The following MARCHF1 variants were observed in gnomAD, a reference collection of about 807,000 sequenced individuals.
MARCHF1 encodes the protein membrane associated ring-CH-type finger 1, also known as E3 ubiquitin-protein ligase MARCHF1.
A neutral mutation model predicts 54.2 loss-of-function variants in MARCHF1; 40 were observed. The ratio of observed to expected loss-of-function variants is 0.74; its 90% CI spans 0.57 to 0.96. The LOEUF (loss-of-function observed/expected upper bound fraction) is 0.96. Ranked by LOEUF, MARCHF1 falls within the 40% of genes least tolerant of loss-of-function variation. MARCHF1 has a pLI of 0.00. For synonymous variants in MARCHF1, 236 were observed against 236.3 expected (o/e 1.00, Z 0.01); for missense variants, 586 against 656.5 (o/e 0.89, Z 1.17).
At chr4:164,017,905 A>G (rs1753578969) in intron 2 of MARCHF1, among the ~76,000 whole-genome samples, 1 of 151,686 alleles carries the variant, frequency 6.6e-6, no homozygotes, top group Non-Finnish European at 1.5e-5. Flanking sequence ...AAGATTTTAT[A>G]AAAAGCCACA....
At chr4:164,230,991 C>A (rs1230434255) in intron 1 of MARCHF1, among the ~76,000 whole-genome samples, 1 of 152,054 alleles carries the variant, frequency 6.6e-6, no homozygotes, top group Non-Finnish European at 1.5e-5. Flanking sequence ...AAAAATAGAA[C>A]ACAAATGCTC....
intron 3 of MARCHF1, among the ~76,000 whole-genome samples, chr4:163,885,793 C>T (rs917596316): frequency 1.3e-5 from 2 of 151,606 alleles, no homozygotes; most frequent in African/African-American, 4.8e-5. Context: ...TGGGGGGGTG[C>T]AGGTGCACTG....
chr4:164,104,858 T>C (rs1755655797), intron 2 of MARCHF1, among the ~76,000 whole-genome samples: 1 of 64,132 alleles, frequency 1.6e-5, no homozygotes, highest in Non-Finnish European at 5.0e-5. Flanking sequence ...ATTGTATATC[T>C]AGAAAACCCC....
intron 1 of MARCHF1, among the ~76,000 whole-genome samples, chr4:164,273,595 G>A (rs1733797251): frequency 6.6e-6 from 1 of 152,192 alleles, no homozygotes; most frequent in Non-Finnish European, 1.5e-5. Context: ...CAGTTGTTTA[G>A]TTACAAGATA....
chr4:164,212,025 G>A (rs1231453617), intron 1 of MARCHF1, among the ~76,000 whole-genome samples: 2 of 152,076 alleles, frequency 1.3e-5, no homozygotes, highest in South Asian at 2.1e-4. Context: ...GGGTCATGTA[G>A]CATATTACTT....
rs189732098 is a variant in MARCHF1, at chr4:163,613,630, G to A, written c.163-237C>T. On this transcript the variant is annotated intron_variant, in intron 5 of 9. Transcript: ENST00000514618. ...TTTTGCTGTTACTTCATTTACGAGA[G>A]AGGAAGATGATTCCACAAGTTTCTA... The A allele has an allele frequency of 4.9e-6, 7 of 1,420,110 alleles. No homozygotes were observed. In the African/African-American group the frequency reaches 8.7e-5, roughly 18 times the overall value. 88.0% of individuals were successfully genotyped at this position (1,420,110 alleles called of 1,614,324 possible). A position where few individuals can be genotyped will look rare whatever the true frequency, so the allele number is the denominator to read the frequency against.
At chr4:164,347,057 C>A (rs527251685) in intron 1 of MARCHF1, among the ~76,000 whole-genome samples, 58 of 152,154 alleles carry the variant, frequency 3.8e-4, no homozygotes, top group African/African-American at 1.3e-3. Flanking sequence ...GCTGGGAAGA[C>A]ATGGACCCTT....
chr4:164,081,227 A>AC lies in MARCHF1; in HGVS notation c.-248+30360_-248+30361insG, dbSNP rs1755093766. Among the ~76,000 whole-genome samples, 4 of 146,926 alleles carry AC rather than the reference A, an allele frequency of 2.7e-5. 1 individual carries two copies. The highest frequency in any genetic ancestry group is 9.9e-5 in the African/African-American group (4 of 40,414). On this transcript the variant is annotated intron_variant, in intron 2 of 9. Transcript: ENST00000514618. The stretch of plus-strand genomic sequence containing the variant: ...TGTCTCAAAAAAAAAAAAAAAAAAA[A>AC]AAAAAAAAAAGAAATATTATTTGCA...
At chr4:164,041,114 C>T (rs950047339) in intron 2 of MARCHF1, among the ~76,000 whole-genome samples, 1 of 152,060 alleles carries the variant, frequency 6.6e-6, no homozygotes, top group African/African-American at 2.4e-5. Context: ...TATTGTGAAA[C>T]TGAAGCCAAC....
intron 8 of MARCHF1, among the ~76,000 whole-genome samples, chr4:163,582,393 A>AAG (rs1343296866): frequency 6.6e-6 from 1 of 152,210 alleles, no homozygotes; most frequent in Non-Finnish European, 1.5e-5. Flanking sequence ...TGGAAACATT[A>AAG]AGATACCTTG....
At chr4:163,755,621 CT>C (rs35127585) in intron 4 of MARCHF1, among the ~76,000 whole-genome samples, 1,818 of 144,332 alleles carry the variant, frequency 0.013, 22 homozygotes, top group African/African-American at 0.033. Context: ...GCAAAGATCC[CT>C]TTTTTTTTTT....
intron 1 of MARCHF1, among the ~76,000 whole-genome samples, chr4:164,178,000 T>A (rs978011334): frequency 6.6e-6 from 1 of 152,180 alleles, no homozygotes; most frequent in African/African-American, 2.4e-5. Flanking sequence ...AGACAGAATG[T>A]CACTGAAATA....
intron 4 of MARCHF1, among the ~76,000 whole-genome samples, chr4:163,746,851 G>T (rs17474074): frequency 0.28 from 42,254 of 152,092 alleles, 7,176 homozygotes; most frequent in Non-Finnish European, 0.39. Flanking sequence ...CCTCATCATT[G>T]TGTATCAGCA....
At chr4:163,651,668 T>A (rs1001004656) in intron 5 of MARCHF1, among the ~76,000 whole-genome samples, 5 of 151,756 alleles carry the variant, frequency 3.3e-5, no homozygotes, top group Non-Finnish European at 7.4e-5. Flanking sequence ...AGCCCCACCA[T>A]TTTGAACAAA....
chr4:163,883,341 G>A (rs1324986619), intron 3 of MARCHF1, among the ~76,000 whole-genome samples: 2 of 106,586 alleles, frequency 1.9e-5, no homozygotes, highest in Admixed American at 1.3e-4. Flanking sequence ...AATTACCTAC[G>A]GATGTATTTT....
chr4:164,356,384 A>T (rs374688627), intron 1 of MARCHF1, among the ~76,000 whole-genome samples: 3,257 of 141,068 alleles, frequency 0.023, 68 homozygotes, highest in South Asian at 0.062. Context: ...CAACAATGAT[A>T]GACTGGATTA....
chr4:163,897,336 T>C (rs1465563285), intron 3 of MARCHF1, among the ~76,000 whole-genome samples: 1 of 152,192 alleles, frequency 6.6e-6, no homozygotes, highest in Non-Finnish European at 1.5e-5. Context: ...CCCCTATCTC[T>C]GTCTAACTTA....
chr4:163,720,857 G>C (rs895917735), intron 4 of MARCHF1, among the ~76,000 whole-genome samples: 3 of 152,198 alleles, frequency 2.0e-5, no homozygotes. Context: ...AAGAATGCTT[G>C]TGATTTTTGC....
chr4:164,039,808 T>G (rs543134114), intron 2 of MARCHF1, among the ~76,000 whole-genome samples: 3 of 151,894 alleles, frequency 2.0e-5, no homozygotes, highest in Non-Finnish European at 4.4e-5. Flanking sequence ...GGAAGTGGTC[T>G]TTACTGGGGA....
Sources: gnomAD v4.1 joint callset for allele counts (sites outside exome capture counted in the v4.1 genomes callset) on GRCh38, gnomAD v4.1.1 for gene constraint, MANE v1.5 for transcripts, NCBI Gene and HGNC (gene_info 2026-07-23, HGNC 2026-07-21) for gene names.